The following GRIK3 variants were observed in gnomAD, a reference collection of about 807,000 sequenced individuals.
GRIK3 encodes the protein glutamate ionotropic receptor kainate type subunit 3.
Under a neutral mutation model 102.5 loss-of-function variants are expected in GRIK3, and 29 were observed. The ratio of observed to expected loss-of-function variants is 0.28; its 90% confidence interval spans 0.21 to 0.39. GRIK3 has a LOEUF of 0.39. Among genes scored for constraint, GRIK3 ranks in the 10% least tolerant of loss-of-function variants. The pLI is 1.00. For missense variants in GRIK3, 908 were observed against 1,252.4 expected, an observed-to-expected ratio of 0.73 and a Z score of 4.15; for synonymous variants, 511 against 504.9, an observed-to-expected ratio of 1.01 and a Z score of -0.16.
At chr1:36,921,326 T>C (rs992799231) in intron 1 of GRIK3, among the ~76,000 whole-genome samples, 1 of 152,178 alleles carries the variant, frequency 6.6e-6, no homozygotes, top group Non-Finnish European at 1.5e-5. Context: ...GCATTTGACC[T>C]CAGACACACA....
chr1:36,914,768 C>A (rs1002235180), intron 1 of GRIK3, among the ~76,000 whole-genome samples: 1 of 152,232 alleles, frequency 6.6e-6, no homozygotes, highest in Non-Finnish European at 1.5e-5. Context: ...AAGATTGATT[C>A]TGAGGCATCA....
intron 1 of GRIK3, among the ~76,000 whole-genome samples, chr1:36,958,171 T>C (rs59857255): frequency 5.8e-4 from 65 of 111,196 alleles, no homozygotes; most frequent in Middle Eastern, 7.2e-3. Flanking sequence ...CTGTGTGCCC[T>C]GTGAGTCTGT....
chr1:36,971,012 C>T (rs72923831), intron 1 of GRIK3, among the ~76,000 whole-genome samples: 4,233 of 152,250 alleles, frequency 0.028, 174 homozygotes, highest in African/African-American at 0.095. Flanking sequence ...ACACCACCAG[C>T]CAGGCAAAGC....
intron 11 of GRIK3, among the ~76,000 whole-genome samples, chr1:36,823,571 T>C (rs951593603): frequency 6.6e-6 from 1 of 151,052 alleles, no homozygotes; most frequent in Non-Finnish European, 1.5e-5. Flanking sequence ...CTCAGGATCA[T>C]GAGCTCTGCA....
chr1:36,807,719 C>T (rs982645109), intron 13 of GRIK3, among the ~76,000 whole-genome samples: 1 of 152,146 alleles, frequency 6.6e-6, no homozygotes, highest in African/African-American at 2.4e-5. Context: ...GCAATGGGGA[C>T]AGGAAGGGGC....
intron 1 of GRIK3, among the ~76,000 whole-genome samples, chr1:36,923,826 T>G (rs1355957442): frequency 6.6e-6 from 1 of 152,008 alleles, no homozygotes; most frequent in Non-Finnish European, 1.5e-5. Context: ...AAACACCTGT[T>G]CTAACTCAAG....
intron 1 of GRIK3, among the ~76,000 whole-genome samples, chr1:36,936,746 T>G (rs1641662169): frequency 6.6e-6 from 1 of 152,136 alleles, no homozygotes; most frequent in Non-Finnish European, 1.5e-5. Flanking sequence ...CTCTGCCAAG[T>G]GAGTCTGGCA....
At chr1:36,893,926 TA>T (rs1641145449) in intron 1 of GRIK3, among the ~76,000 whole-genome samples, 1 of 152,248 alleles carries the variant, frequency 6.6e-6, no homozygotes. Context: ...CTTATGTCTT[TA>T]ACATAAGAAT....
chr1:36,807,293 G>GGGGAGACTC (rs1347533705), intron 13 of GRIK3, among the ~76,000 whole-genome samples: 1 of 152,128 alleles, frequency 6.6e-6, no homozygotes, highest in Non-Finnish European at 1.5e-5. Flanking sequence ...TGGGGAGACT[G>GGGGAGACTC]TGCAGACCAG....
At chr1:36,834,183 T>G (rs1364853391) in intron 10 of GRIK3, among the ~76,000 whole-genome samples, 1 of 152,248 alleles carries the variant, frequency 6.6e-6, no homozygotes, top group Non-Finnish European at 1.5e-5. Context: ...CACTGCTGTG[T>G]CCACGGCTGC....
chr1:37,019,884 G>C (rs1360805411), intron 1 of GRIK3, among the ~76,000 whole-genome samples: 1 of 152,170 alleles, frequency 6.6e-6, no homozygotes, highest in Non-Finnish European at 1.5e-5. Context: ...TCACTTTGTA[G>C]CTACCATAGC....
intron 5 of GRIK3, among the ~76,000 whole-genome samples, chr1:36,867,507 C>T (rs1216215407): frequency 6.6e-6 from 1 of 152,140 alleles, no homozygotes; most frequent in Non-Finnish European, 1.5e-5. Context: ...GCAGAAACCA[C>T]CCTTGGGACA....
intron 1 of GRIK3, among the ~76,000 whole-genome samples, chr1:36,966,405 C>A (rs1202799881): frequency 1.3e-5 from 2 of 152,220 alleles, no homozygotes; most frequent in African/African-American, 4.8e-5. Flanking sequence ...CAAGCTTGGA[C>A]TGGGTGGGTC....
intron 1 of GRIK3, among the ~76,000 whole-genome samples, chr1:36,993,547 C>A (rs998599607): frequency 3.3e-5 from 5 of 152,130 alleles, no homozygotes; most frequent in Non-Finnish European, 5.9e-5. Flanking sequence ...ACACAACATC[C>A]AAAAGACTTG....
intron 5 of GRIK3, among the ~76,000 whole-genome samples, chr1:36,861,046 C>T (rs755333288): frequency 1.3e-5 from 2 of 152,124 alleles, no homozygotes; most frequent in Non-Finnish European, 2.9e-5. Context: ...GGTTTTATTG[C>T]CTTACAGGAC....
chr1:36,805,923 C>T (rs1642493454), intron 14 of GRIK3, among the ~76,000 whole-genome samples, 181 bp downstream of exon 14: 2 of 93,014 alleles, frequency 2.2e-5, no homozygotes, highest in African/African-American at 9.0e-5. Flanking sequence ...GCAACAAAAG[C>T]GAAACTCCAC....
intron 1 of GRIK3, among the ~76,000 whole-genome samples, chr1:36,966,102 G>C (rs889467094): frequency 1.2e-4 from 18 of 152,224 alleles, no homozygotes; most frequent in Admixed American, 2.6e-4. Context: ...CAAGAGACAG[G>C]GGTATAGGAC....
chr1:36,940,519 G>A (rs1320509782), intron 1 of GRIK3, among the ~76,000 whole-genome samples: 1 of 152,212 alleles, frequency 6.6e-6, no homozygotes, highest in East Asian at 1.9e-4. Context: ...TGGGGGACCT[G>A]GGTCTCTGGA....
chr1:37,017,832 T>C (rs1320930462), intron 1 of GRIK3, among the ~76,000 whole-genome samples: 1 of 152,240 alleles, frequency 6.6e-6, no homozygotes, highest in African/African-American at 2.4e-5. Context: ...TAGAGTCTGC[T>C]CCTGTCCAGT....
Sources: gnomAD v4.1 joint callset for allele counts (sites outside exome capture counted in the v4.1 genomes callset) on GRCh38, gnomAD v4.1.1 for gene constraint, MANE v1.5 for transcripts, NCBI Gene and HGNC (gene_info 2026-07-23, HGNC 2026-07-21) for gene names.